SEMA5A: variants seen among roughly 807,000 people sequenced by gnomAD.
SEMA5A encodes semaphorin-5A.
Under a neutral mutation model 135.5 loss-of-function variants are expected in SEMA5A, and 55 were observed. That is an observed-to-expected ratio of 0.41 (90% CI 0.33 to 0.51). The LOEUF (loss-of-function observed/expected upper bound fraction) is 0.51. SEMA5A is among the 20% of genes least tolerant of loss of function. The probability of loss-of-function intolerance (pLI) is 0.37; values close to 1 mark genes in which losing one functional copy is unlikely to be tolerated. For missense variants in SEMA5A, 1,290 were observed against 1,419.9 expected, an observed-to-expected ratio of 0.91 and a Z score of 1.47; for synonymous variants, 580 against 546.5, an observed-to-expected ratio of 1.06 and a Z score of -0.85.
At chr5:9,191,389 T>C (rs189396984) in intron 10 of SEMA5A, among the ~76,000 whole-genome samples, 1 of 152,292 alleles carries the variant, frequency 6.6e-6, no homozygotes, top group Non-Finnish European at 1.5e-5. Context: ...ACTGCTTTCT[T>C]AGAGCCAAGC....
chr5:9,264,425 C>T lies in SEMA5A; in HGVS notation c.271-26535G>A, dbSNP rs1015124507. Among the ~76,000 whole-genome samples, 8 of 152,118 alleles carry T rather than the reference C, an allele frequency of 5.3e-5. No individual in the cohort carries two copies. The South Asian group carries it at 6.2e-4, about 12-fold the overall frequency. On this transcript the variant is annotated intron_variant, in intron 5 of 22. Coordinates refer to ENST00000382496, the MANE Select transcript of SEMA5A (RefSeq NM_003966.3). ...AACCATCTAGGCTCCAAGTAAATAA[C>T]GCATTTTATTTCAATATGTCAAAGC...
At chr5:9,323,355 G>A (rs3777327) in intron 4 of SEMA5A, among the ~76,000 whole-genome samples, 20,827 of 152,044 alleles carry the variant, frequency 0.14, 1,501 homozygotes, top group South Asian at 0.19. Context: ...TTTCACAACT[G>A]AGTAACTTAT....
At chr5:9,433,650 T>C (rs1428845484) in intron 2 of SEMA5A, among the ~76,000 whole-genome samples, 1 of 142,552 alleles carries the variant, frequency 7.0e-6, no homozygotes, top group African/African-American at 2.5e-5. Context: ...CTCAGAGTAA[T>C]GGCTAATTAT....
intron 12 of SEMA5A, among the ~76,000 whole-genome samples, chr5:9,150,513 T>G (rs78127243): frequency 0.026 from 4,007 of 152,278 alleles, 89 homozygotes; most frequent in Non-Finnish European, 0.037. Flanking sequence ...ATTTTTTTAC[T>G]CGTCTTTGAG....
At chr5:9,143,843 C>A (rs1742190431) in intron 12 of SEMA5A, among the ~76,000 whole-genome samples, 1 of 115,148 alleles carries the variant, frequency 8.7e-6, no homozygotes. Context: ...TGTAAATTTT[C>A]TCTAGAACAA....
intron 1 of SEMA5A, among the ~76,000 whole-genome samples, chr5:9,486,353 G>T (rs1404885106): frequency 1.3e-5 from 2 of 152,166 alleles, no homozygotes; most frequent in African/African-American, 4.8e-5. Context: ...ATGATGGGTT[G>T]ATAGGTGCAG....
At chr5:9,246,225 C>T (rs556974722) in intron 5 of SEMA5A, among the ~76,000 whole-genome samples, 7 of 151,730 alleles carry the variant, frequency 4.6e-5, no homozygotes, top group African/African-American at 1.2e-4. Flanking sequence ...CTAAATGTAG[C>T]GAAAAAAATC....
At chr5:9,293,592 TCA>T (rs1751190947) in intron 5 of SEMA5A, among the ~76,000 whole-genome samples, 3 of 152,220 alleles carry the variant, frequency 2.0e-5, no homozygotes, top group South Asian at 2.1e-4. Context: ...GCATATTTTG[TCA>T]CAGTTTGTGT....
chr5:9,340,515 T>A (rs1246574891), intron 3 of SEMA5A, among the ~76,000 whole-genome samples: 2 of 152,202 alleles, frequency 1.3e-5, no homozygotes, highest in Non-Finnish European at 2.9e-5. Context: ...TAAAGAGACA[T>A]ACATCAGGTT....
chr5:9,450,446 T>C (rs1196727419), intron 1 of SEMA5A, among the ~76,000 whole-genome samples: 4 of 152,350 alleles, frequency 2.6e-5, no homozygotes, highest in Non-Finnish European at 5.9e-5. Context: ...TTCCTCTATA[T>C]AGCAATTCTG....
intron 1 of SEMA5A, among the ~76,000 whole-genome samples, chr5:9,473,145 C>T (rs1181694297): frequency 1.7e-5 from 2 of 116,910 alleles, no homozygotes; most frequent in African/African-American, 6.7e-5. Flanking sequence ...ATATATAATG[C>T]CCACAAAATA....
At chr5:9,255,113 G>T (rs1034408429) in intron 5 of SEMA5A, among the ~76,000 whole-genome samples, 1 of 152,318 alleles carries the variant, frequency 6.6e-6, no homozygotes, top group South Asian at 2.1e-4. Flanking sequence ...CTATTCTACT[G>T]TTCAGGAAAG....
At chr5:9,496,583 G>GT (rs964919082) in intron 1 of SEMA5A, among the ~76,000 whole-genome samples, 1 of 152,060 alleles carries the variant, frequency 6.6e-6, no homozygotes, top group Non-Finnish European at 1.5e-5. Flanking sequence ...ATATTACCAT[G>GT]TTTTTTTCAG....
At chr5:9,518,590 C>T (rs116980540) in intron 1 of SEMA5A, among the ~76,000 whole-genome samples, 1 of 152,316 alleles carries the variant, frequency 6.6e-6, no homozygotes, top group East Asian at 1.9e-4. Flanking sequence ...TGCCAACCTA[C>T]TCACTGCCCA....
Position 9,276,534 on chromosome 5 carries a change from G to A in SEMA5A, c.271-38644C>T, listed in dbSNP as rs541212647. 2.0e-5 allele frequency among the ~76,000 whole-genome samples: 3 copies of A among 152,262 alleles called. No individual in the cohort carries two copies. The South Asian group carries it at 6.2e-4, about 32-fold the overall frequency. ...CTAAGCAAAAAGAACAAAGCTGGAG[G>A]CAACACTGGAGTTACCTGAATTCAA... On this transcript the variant is annotated intron_variant, in intron 5 of 22. Coordinates refer to ENST00000382496, the MANE Select transcript of SEMA5A (RefSeq NM_003966.3).
At position 9,226,932 on chromosome 5, in the gene SEMA5A, C is replaced by A; in HGVS notation, c.369G>T (p.Val123=). 1.3e-6 allele frequency: 2 copies of A among 1,576,056 alleles called. No homozygotes were observed. Among genetic ancestry groups the A allele is most frequent in the Non-Finnish European group, 1.7e-6 (2 of 1,158,734 alleles). ...CACAGGTGAATAACCGGTCGCCACC[C>A]ACCAGAAGCACCCGGATGTAGTTCT... is the stretch of plus-strand genomic sequence containing the variant. The part of the protein sequence containing the change: ...ECQNYIRVLL[V]GGDRLFTCGT... Residue 123 remains valine (V), a synonymous_variant, in exon 7 of 23, where the codon GTG becomes GTT. Coordinates refer to ENST00000382496, the MANE Select transcript of SEMA5A (RefSeq NM_003966.3).
chr5:9,136,491 G>A lies in SEMA5A; in HGVS notation c.1599+13C>T. ...GGCAGCATTTTCAGAGGATGGAGAA[G>A]GTGGGCACTCACCGGACACGCAGAG... is the stretch of plus-strand genomic sequence containing the variant. On this transcript the variant is annotated intron_variant, in intron 13 of 22. Coordinates refer to ENST00000382496, the MANE Select transcript of SEMA5A (RefSeq NM_003966.3). The A allele has an allele frequency of 1.9e-6, 3 of 1,603,234 alleles. No individual in the cohort carries two copies. The highest frequency in any genetic ancestry group is 2.6e-6 in the Non-Finnish European group (3 of 1,170,106).
At chr5:9,197,623 TAA>T (rs1443128146) in intron 9 of SEMA5A, among the ~76,000 whole-genome samples, 1 of 152,082 alleles carries the variant, frequency 6.6e-6, no homozygotes, top group Non-Finnish European at 1.5e-5. Context: ...AATTCTGGAA[TAA>T]AAAGACTTCC....
chr5:9,421,644 T>C (rs1005718945), intron 2 of SEMA5A, among the ~76,000 whole-genome samples: 1 of 152,222 alleles, frequency 6.6e-6, no homozygotes, highest in African/African-American at 2.4e-5. Context: ...CCATCAGTCA[T>C]GGGTGAAAGT....
Sources: gnomAD v4.1 joint callset for allele counts (sites outside exome capture counted in the v4.1 genomes callset) on GRCh38, gnomAD v4.1.1 for gene constraint, MANE v1.5 for transcripts, NCBI Gene and HGNC (gene_info 2026-07-23, HGNC 2026-07-21) for gene names.